CADPS: variants seen among roughly 807,000 people sequenced by gnomAD.
CADPS encodes calcium-dependent secretion activator 1.
In CADPS, 57 loss-of-function variants were observed where a neutral mutation model predicts 167.3. The ratio of observed to expected loss-of-function variants is 0.34; its 90% CI spans 0.28 to 0.42. CADPS has a LOEUF of 0.42. Among genes scored for constraint, CADPS ranks in the 20% least tolerant of loss-of-function variants. The pLI, the probability that CADPS is intolerant of heterozygous loss-of-function variation, is 1.00. For missense variants in CADPS, 1,414 were observed against 1,738.1 expected, an observed-to-expected ratio of 0.81 and a Z score of 3.32; for synonymous variants, 676 against 635.3, an observed-to-expected ratio of 1.06 and a Z score of -0.96.
At chr3:62,852,057 T>C (rs2078713948) in intron 1 of CADPS, among the ~76,000 whole-genome samples, 2 of 147,862 alleles carry the variant, frequency 1.4e-5, no homozygotes, top group Non-Finnish European at 1.5e-5. Context: ...TTTCTTCCAG[T>C]TGATCGCATC....
At chr3:62,565,031 G>C (rs11130887) in intron 9 of CADPS, among the ~76,000 whole-genome samples, 1 of 152,264 alleles carries the variant, frequency 6.6e-6, no homozygotes, top group African/African-American at 2.4e-5. Flanking sequence ...ACACACACAC[G>C]GGGTGGGGCG....
chr3:62,599,662 A>AT (rs1291085623), intron 6 of CADPS, among the ~76,000 whole-genome samples: 2 of 60,834 alleles, frequency 3.3e-5, no homozygotes, highest in East Asian at 1.1e-3. Context: ...ATAATATAAT[A>AT]TATATTATAT....
intron 3 of CADPS, among the ~76,000 whole-genome samples, chr3:62,747,419 G>A (rs1328037704): frequency 6.6e-6 from 1 of 152,196 alleles, no homozygotes; most frequent in Non-Finnish European, 1.5e-5. Flanking sequence ...CTGTAATGAG[G>A]TATGGATACA....
chr3:62,524,547 T>G (rs917317574), intron 13 of CADPS, among the ~76,000 whole-genome samples: 3 of 152,176 alleles, frequency 2.0e-5, no homozygotes, highest in African/African-American at 7.2e-5. Context: ...ATAATTAATC[T>G]CCAAACAAGG....
intron 17 of CADPS, among the ~76,000 whole-genome samples, chr3:62,510,191 C>CATCTATCTATCTGTCTATCTATCTATCT (rs1553853779): frequency 3.4e-5 from 5 of 148,266 alleles, no homozygotes; most frequent in African/African-American, 1.3e-4. Context: ...CCTATTTCTG[C>CATCTATCTATCTGTCTATCTATCTATCT]ATCTATCTAT....
intron 1 of CADPS, among the ~76,000 whole-genome samples, chr3:62,813,314 A>T (rs374188268): frequency 2.0e-5 from 3 of 152,082 alleles, no homozygotes; most frequent in Admixed American, 2.0e-4. Flanking sequence ...AAAGCCACAC[A>T]CCTACAAGCA....
At chr3:62,500,780 C>T (rs2065643162) in intron 17 of CADPS, among the ~76,000 whole-genome samples, 1 of 151,950 alleles carries the variant, frequency 6.6e-6, no homozygotes, top group South Asian at 2.1e-4. Flanking sequence ...AGTAGGCAGA[C>T]TTAAAATCAT....
intron 13 of CADPS, among the ~76,000 whole-genome samples, chr3:62,520,237 G>A (rs2070143389): frequency 6.6e-6 from 1 of 152,138 alleles, no homozygotes; most frequent in Non-Finnish European, 1.5e-5. Context: ...TACCCTACAA[G>A]CCTTCTAAGG....
At chr3:62,870,733 A>G (rs78845970) in intron 1 of CADPS, among the ~76,000 whole-genome samples, 3,820 of 152,272 alleles carry the variant, frequency 0.025, 85 homozygotes, top group South Asian at 0.076. Flanking sequence ...TAATTCCTAC[A>G]TCATTTAAAA....
chr3:62,710,057 G>C (rs1283436384), intron 3 of CADPS, among the ~76,000 whole-genome samples: 3 of 152,054 alleles, frequency 2.0e-5, no homozygotes, highest in African/African-American at 7.2e-5. Context: ...ATGAGTCACC[G>C]TGCCTGGCCA....
At chr3:62,583,944 G>A (rs921923714) in intron 8 of CADPS, among the ~76,000 whole-genome samples, 1 of 151,680 alleles carries the variant, frequency 6.6e-6, no homozygotes, top group Non-Finnish European at 1.5e-5. Flanking sequence ...TCTTAATCAC[G>A]GCTAGGCCCT....
At chr3:62,822,798 C>T (rs2073238867) in intron 1 of CADPS, among the ~76,000 whole-genome samples, 1 of 152,054 alleles carries the variant, frequency 6.6e-6, no homozygotes, top group Admixed American at 6.6e-5. Context: ...GCCAAGATCG[C>T]ACCACTGCAT....
At chr3:62,521,777 G>C (rs1240632115) in intron 13 of CADPS, among the ~76,000 whole-genome samples, 1 of 152,138 alleles carries the variant, frequency 6.6e-6, no homozygotes, top group Non-Finnish European at 1.5e-5. Context: ...TGGAGGAGTG[G>C]CCTCAGCCAC....
chr3:62,570,839 C>G, intron 9 of CADPS, 33 bp downstream of exon 9: 2 of 1,390,832 alleles, frequency 1.4e-6, no homozygotes, highest in Non-Finnish European at 2.0e-6. Flanking sequence ...ATCTTTAATA[C>G]TGATGTCTCT....
chr3:62,466,805 C>T (rs2059989788), intron 24 of CADPS: 2 of 232,392 alleles, frequency 8.6e-6, no homozygotes, highest in South Asian at 1.2e-4. Flanking sequence ...GGGGTTGTGG[C>T]TTAGGTAGTA....
chr3:62,782,426 C>T (rs1040931686), intron 1 of CADPS, among the ~76,000 whole-genome samples: 1 of 152,096 alleles, frequency 6.6e-6, no homozygotes, highest in Non-Finnish European at 1.5e-5. Context: ...ACGATCTTGC[C>T]CTTTTGGAGC....
At chr3:62,593,215 T>TCCAGTGAAA (rs1375054058) in intron 6 of CADPS, among the ~76,000 whole-genome samples, 2 of 152,168 alleles carry the variant, frequency 1.3e-5, no homozygotes, top group African/African-American at 4.8e-5. Flanking sequence ...AGCCCCATTT[T>TCCAGTGAAA]CACTGGCATT....
chr3:62,705,780 A>G (rs1042946438), intron 3 of CADPS, among the ~76,000 whole-genome samples: 3 of 152,088 alleles, frequency 2.0e-5, no homozygotes, highest in Admixed American at 1.3e-4. Flanking sequence ...GTGTGAGTCA[A>G]TACTCCTTAA....
intron 11 of CADPS, among the ~76,000 whole-genome samples, chr3:62,549,460 T>TG (rs1156823239): frequency 2.6e-5 from 4 of 151,264 alleles, no homozygotes; most frequent in Non-Finnish European, 5.9e-5. Context: ...TTTTTTTTTT[T>TG]TTTCGCTGCA....
Sources: gnomAD v4.1 joint callset for allele counts (sites outside exome capture counted in the v4.1 genomes callset) on GRCh38, gnomAD v4.1.1 for gene constraint, MANE v1.5 for transcripts, NCBI Gene and HGNC (gene_info 2026-07-23, HGNC 2026-07-21) for gene names.